Variants in UBE4B observed in about 807,000 individuals in gnomAD.
UBE4B encodes ubiquitination factor E4B.
UBE4B carries 27 observed loss-of-function variants against 148.1 expected under a neutral mutation model. The observed-to-expected ratio is 0.18, with a 90% CI of 0.13 to 0.25. UBE4B has a LOEUF of 0.25. UBE4B is among the 10% of genes least tolerant of loss of function. The probability of loss-of-function intolerance (pLI) is 1.00; values close to 1 mark genes in which losing one functional copy is unlikely to be tolerated. For missense variants in UBE4B, 1,170 were observed against 1,662.4 expected (o/e 0.70, Z 5.15); for synonymous variants, 596 against 619.3 (o/e 0.96, Z 0.56).
intron 1 of UBE4B, among the ~76,000 whole-genome samples, chr1:10,055,753 T>G (rs953105681): frequency 6.6e-6 from 1 of 151,938 alleles, no homozygotes; most frequent in Non-Finnish European, 1.5e-5. Context: ...AACCCTGTCT[T>G]TACTAAAAAT....
At chr1:10,160,690 T>TA (rs1406926342) in intron 22 of UBE4B, among the ~76,000 whole-genome samples, 1 of 152,198 alleles carries the variant, frequency 6.6e-6, no homozygotes, top group Non-Finnish European at 1.5e-5. Flanking sequence ...CTCATCTCTG[T>TA]AATCCCAACA....
intron 2 of UBE4B, among the ~76,000 whole-genome samples, chr1:10,088,527 C>T (rs1644798246): frequency 6.6e-6 from 1 of 151,992 alleles, no homozygotes; most frequent in Admixed American, 6.6e-5. Context: ...AGGTGCCCGC[C>T]ACCATGCCCA....
chr1:10,108,546 G>A (rs541511293), intron 7 of UBE4B, among the ~76,000 whole-genome samples: 2 of 152,258 alleles, frequency 1.3e-5, no homozygotes, highest in South Asian at 4.1e-4. Flanking sequence ...TTAAATTGAA[G>A]TTTCCTGTGG....
At chr1:10,039,689 C>T (rs553743125) in intron 1 of UBE4B, among the ~76,000 whole-genome samples, 2 of 152,178 alleles carry the variant, frequency 1.3e-5, no homozygotes, top group East Asian at 1.9e-4. Context: ...GCCCACCTGC[C>T]TCTGCCTGCC....
intron 18 of UBE4B, 90 bp from the exon 19 acceptor site, chr1:10,146,873 C>G: frequency 1.3e-6 from 2 of 1,507,108 alleles, no homozygotes; most frequent in Non-Finnish European, 9.0e-7. Flanking sequence ...ACCCAAATTT[C>G]CCATCTCCTG....
chr1:10,178,596 T>G (rs1404455765), intron 25 of UBE4B, 48 bp from the exon 26 acceptor site: 1 of 1,524,772 alleles, frequency 6.6e-7, no homozygotes, highest in African/African-American at 1.4e-5. Context: ...CTCGCTTTTT[T>G]CCACCTGACG....
intron 23 of UBE4B, among the ~76,000 whole-genome samples, chr1:10,164,298 G>C (rs1646213997): frequency 6.6e-6 from 1 of 151,920 alleles, no homozygotes; most frequent in South Asian, 2.1e-4. Context: ...CTGATACCAT[G>C]CCACTACATT....
chr1:10,106,318 A>G lies in UBE4B; in HGVS notation c.931A>G (p.Ser311Gly). The change falls in exon 7 of 28, where the codon AGT becomes GGT. Residue 311 changes from serine (S) to glycine (G), a missense_variant. By Grantham distance (56) the Ser-to-Gly change is moderately conservative. Around this residue, in one of 6 missense-constraint regions of UBE4B, gnomAD observed 214 missense variants for 209.1 expected, o/e 1.02. Coordinates refer to ENST00000343090, the MANE Select transcript of UBE4B (RefSeq NM_001105562.3). This position sits in a 1 kb window ranked among gnomAD's most constrained non-coding sequence, Gnocchi z 4.2. ...SQLAVPSTPL[S>G]PHSAASGTAA... ...GTTGGCTGTGCCTTCCACTCCCCTC[A>G]GTCCTCACAGTGCAGCCTCTGGAAC... 6.2e-7 allele frequency: 1 copy of G among 1,614,036 alleles called. No individual in the cohort carries two copies. Among genetic ancestry groups the G allele is most frequent in the Non-Finnish European group, 8.5e-7 (1 of 1,179,996 alleles).
At chr1:10,068,313 A>G (rs1644423323) in intron 1 of UBE4B, among the ~76,000 whole-genome samples, 1 of 150,702 alleles carries the variant, frequency 6.6e-6, no homozygotes, top group Non-Finnish European at 1.5e-5. Flanking sequence ...TACGAGCATG[A>G]GCCACTGCAC....
chr1:10,097,907 G>C (rs901389370), intron 3 of UBE4B, among the ~76,000 whole-genome samples: 1 of 152,060 alleles, frequency 6.6e-6, no homozygotes, highest in Non-Finnish European at 1.5e-5. Flanking sequence ...GTCTCACTCT[G>C]TCTCCCATAC....
intron 17 of UBE4B, among the ~76,000 whole-genome samples, chr1:10,144,014 T>C (rs773476962): frequency 6.6e-6 from 1 of 152,202 alleles, no homozygotes; most frequent in Non-Finnish European, 1.5e-5. Flanking sequence ...ATGTAGCTTT[T>C]GGAGATTTAG....
intron 25 of UBE4B, among the ~76,000 whole-genome samples, chr1:10,174,008 C>T (rs557346197): frequency 2.0e-5 from 3 of 152,284 alleles, no homozygotes; most frequent in East Asian, 1.9e-4. Flanking sequence ...CAGTGACACA[C>T]GGGGCTCCTT....
chr1:10,151,287 C>T, intron 20 of UBE4B, 39 bp from the exon 21 acceptor site: 1 of 1,593,310 alleles, frequency 6.3e-7, no homozygotes, highest in Non-Finnish European at 8.6e-7. Context: ...TCAGCAGTTT[C>T]TCAGCGGTCT....
chr1:10,161,340 C>CA lies in UBE4B; in HGVS notation c.3198+55dup. The CA allele has an allele frequency of 6.3e-7, 1 of 1,590,044 alleles. No homozygotes were observed. The highest frequency in any genetic ancestry group is 8.6e-7 in the Non-Finnish European group (1 of 1,164,232). On this transcript the variant is annotated intron_variant, in intron 23 of 27. Transcript: ENST00000343090. This position sits in a 1 kb window ranked among gnomAD's most constrained non-coding sequence, Gnocchi z 4.1. The stretch of plus-strand genomic sequence containing the variant: ...GCTTTGCAGGCCATCTGCCTCCACA[C>CA]ACGGGCAGAGCTGCTTTGGGGCTGC...
At chr1:10,167,526 A>G (rs1465344308) in intron 23 of UBE4B, among the ~76,000 whole-genome samples, 3 of 150,900 alleles carry the variant, frequency 2.0e-5, no homozygotes, top group African/African-American at 4.9e-5. Flanking sequence ...TCTTAGTGCC[A>G]TGATGTGTGT....
chr1:10,178,365 T>G (rs992019439), intron 25 of UBE4B, among the ~76,000 whole-genome samples: 2 of 152,166 alleles, frequency 1.3e-5, no homozygotes, highest in African/African-American at 4.8e-5. Flanking sequence ...AAAGCCCGTC[T>G]GCCTCAGTCC....
At chr1:10,119,147 C>T (rs1645369743) in intron 8 of UBE4B, among the ~76,000 whole-genome samples, 2 of 152,082 alleles carry the variant, frequency 1.3e-5, no homozygotes, top group Non-Finnish European at 1.5e-5. Context: ...TCCCAAAGTG[C>T]TGAGATTACA....
chr1:10,042,625 C>T (rs1226807995), intron 1 of UBE4B, among the ~76,000 whole-genome samples: 2 of 152,052 alleles, frequency 1.3e-5, no homozygotes, highest in East Asian at 1.9e-4. Flanking sequence ...CTAGCCTGGG[C>T]GACAGAGTGA....
At position 10,072,234 on chromosome 1, in the gene UBE4B, C is replaced by G. The variant is rs1644499464; in HGVS notation, c.211+20C>G. ...CATCAGGTAAGCCCAAGCTTCATAC[C>G]TGGGACTCTTTTGTAATTCTTCTTA... is the stretch of plus-strand genomic sequence containing the variant. On this transcript the variant is annotated intron_variant, in intron 2 of 27. Transcript: ENST00000343090. 6.3e-7 allele frequency: 1 copy of G among 1,599,252 alleles called. No homozygotes were observed. The highest frequency in any genetic ancestry group is 8.5e-7 in the Non-Finnish European group (1 of 1,176,480).
Sources: gnomAD v4.1 joint callset for allele counts (sites outside exome capture counted in the v4.1 genomes callset) on GRCh38, gnomAD v4.1.1 for gene constraint, gnomAD v4.1.1 regional missense constraint, Gnocchi (gnomAD v3.1) non-coding constraint, MANE v1.5 for transcripts, NCBI Gene and HGNC (gene_info 2026-07-23, HGNC 2026-07-21) for gene names.